METAP1: variants seen among roughly 807,000 people sequenced by gnomAD.
The protein encoded by METAP1 is methionyl aminopeptidase 1.
In METAP1, 28 loss-of-function variants were observed where a neutral mutation model predicts 53.8. The observed-to-expected ratio is 0.52, with a 90% CI of 0.39 to 0.71. The LOEUF (loss-of-function observed/expected upper bound fraction) is 0.71, where lower values mean the gene tolerates loss of function less well. Ranked by LOEUF, METAP1 falls within the 30% of genes least tolerant of loss-of-function variation. The pLI is 0.00. For missense variants in METAP1, 389 were observed against 479.8 expected (o/e 0.81, Z 1.77); for synonymous variants, 181 against 165.7 (o/e 1.09, Z -0.71).
Position 99,048,809 on chromosome 4 carries a change from T to A in METAP1, c.864T>A (p.Val288=), listed in dbSNP as rs755848190. ...KHAQANGFSV[V]RSYCGHGIHK... is the part of the protein sequence containing the mutation. ...CCCAAGCAAATGGGTTTTCAGTTGTTCGAAGCTATTGTGGGCATGGAATCC... is the reference window on the plus strand; with the variant it reads ...CCCAAGCAAATGGGTTTTCAGTTGTACGAAGCTATTGTGGGCATGGAATCC... The change falls in exon 9 of 11, where the codon GTT becomes GTA. Residue 288 remains valine (V), a synonymous_variant. Coordinates refer to ENST00000296411, the MANE Select transcript of METAP1 (RefSeq NM_015143.3). The A allele has an allele frequency of 6.2e-7, 1 of 1,614,010 alleles. No homozygotes were observed.
In METAP1 at chr4:98,998,017, G is replaced by A. The variant is rs143086615; in HGVS notation, c.114+2150G>A. Reference sequence around the variant, plus strand: ...ACAGAAGTTATTTTTCCCGCAGTCTGATTATGCGTATCCCTCATTGCTTTC... The same window carrying A: ...ACAGAAGTTATTTTTCCCGCAGTCTAATTATGCGTATCCCTCATTGCTTTC... On this transcript the variant is annotated intron_variant, in intron 1 of 10. Transcript: ENST00000296411. 3.1e-3 allele frequency among the ~76,000 whole-genome samples: 472 copies of A among 152,312 alleles called. 4 individuals are homozygous for A. The highest frequency in any genetic ancestry group is 0.011 in the African/African-American group (455 of 41,568).
intron 1 of METAP1, among the ~76,000 whole-genome samples, chr4:99,020,466 G>T (rs1431229661): frequency 1.3e-5 from 2 of 152,150 alleles, no homozygotes; most frequent in Admixed American, 6.5e-5. Context: ...GGAGATATCA[G>T]AGACTTCTGC....
intron 9 of METAP1, among the ~76,000 whole-genome samples, chr4:99,049,895 C>T (rs1238601022): frequency 6.6e-6 from 1 of 152,204 alleles, no homozygotes; most frequent in African/African-American, 2.4e-5. Flanking sequence ...TGCATTATCT[C>T]ATTTGATCAT....
intron 9 of METAP1, among the ~76,000 whole-genome samples, chr4:99,052,838 ACTT>A (rs1202509337): frequency 2.6e-5 from 4 of 152,128 alleles, no homozygotes; most frequent in Non-Finnish European, 5.9e-5. Context: ...TATCCACAGA[ACTT>A]CTTTGAAAAT....
At chr4:99,037,285 A>G (rs1033197364) in intron 4 of METAP1, among the ~76,000 whole-genome samples, 30 of 151,990 alleles carry the variant, frequency 2.0e-4, no homozygotes, top group African/African-American at 5.5e-4. Context: ...CATTACATTT[A>G]TTACAGATTT....
intron 1 of METAP1, among the ~76,000 whole-genome samples, chr4:98,997,699 A>G (rs1722703572): frequency 6.6e-6 from 1 of 152,204 alleles, no homozygotes; most frequent in South Asian, 2.1e-4. Context: ...TGCTAGACAA[A>G]TTTGTGAAAA....
chr4:99,023,256 A>G (rs768909484), intron 1 of METAP1: 8 of 461,756 alleles, frequency 1.7e-5, no homozygotes, highest in Non-Finnish European at 2.8e-5. Flanking sequence ...TCTTTTTCAC[A>G]ATAGTAAGTA....
chr4:99,030,894 C>G (rs1300788614), intron 2 of METAP1, among the ~76,000 whole-genome samples: 1 of 150,732 alleles, frequency 6.6e-6, no homozygotes, highest in Non-Finnish European at 1.5e-5. Flanking sequence ...TGGAGCAATT[C>G]TGGACTCTTA....
chr4:99,016,223 G>A (rs1341817451), intron 1 of METAP1, among the ~76,000 whole-genome samples: 1 of 152,214 alleles, frequency 6.6e-6, no homozygotes, highest in Non-Finnish European at 1.5e-5. Flanking sequence ...TTCAAAGGTA[G>A]GCACATCAGC....
Position 99,061,370 on chromosome 4 carries a change from T to A in METAP1, c.*53T>A. The A allele has an allele frequency of 6.6e-7, 1 of 1,504,542 alleles. No individual in the cohort carries two copies. The highest frequency in any genetic ancestry group is 1.2e-5 in the South Asian group (1 of 80,116). 93.2% of individuals were successfully genotyped at this position (1,504,542 alleles called of 1,614,324 possible). ...CCTTCTTACTGTGCTATGCATTTTA[T>A]TGAGAGTACAGAAAGGAAGAGGAAC... On this transcript the variant is annotated 3_prime_UTR_variant, in exon 11 of 11. Transcript: ENST00000296411.
chr4:99,058,062 A>T (rs1272383127), intron 10 of METAP1, among the ~76,000 whole-genome samples: 1 of 152,118 alleles, frequency 6.6e-6, no homozygotes, highest in African/African-American at 2.4e-5. Flanking sequence ...GTCCCTTTTC[A>T]TAAAGATCAT....
At chr4:99,026,181 C>T (rs1480926345) in intron 1 of METAP1, 1 of 955,788 alleles carries the variant, frequency 1.0e-6, no homozygotes, top group Non-Finnish European at 1.2e-6. Flanking sequence ...TGAGACCTGT[C>T]TCAGATATTT....
At chr4:99,039,571 A>C in intron 5 of METAP1, 106 bp downstream of exon 5, 1 of 623,612 alleles carries the variant, frequency 1.6e-6, no homozygotes, top group Non-Finnish European at 2.7e-6. Context: ...ATATTGTTAG[A>C]CTGACCAGCC....
intron 1 of METAP1, among the ~76,000 whole-genome samples, chr4:99,018,839 G>A (rs1723925440): frequency 6.6e-6 from 1 of 152,164 alleles, no homozygotes; most frequent in Non-Finnish European, 1.5e-5. Context: ...GCCTTCCAGG[G>A]AGATCGGGTA....
intron 1 of METAP1, chr4:99,026,587 A>G (rs1724582016): frequency 1.0e-6 from 1 of 985,404 alleles, no homozygotes; most frequent in Non-Finnish European, 1.2e-6. Flanking sequence ...TCTTTGGTTC[A>G]TTTGTTAGAG....
chr4:99,009,647 T>G (rs1723374619), intron 1 of METAP1, among the ~76,000 whole-genome samples: 1 of 152,240 alleles, frequency 6.6e-6, no homozygotes, highest in Non-Finnish European at 1.5e-5. Context: ...TTCATATGCC[T>G]GTTGGCTAGT....
chr4:99,034,279 T>G lies in METAP1; in HGVS notation c.216T>G (p.Asp72Glu). Residue 72 changes from aspartate to glutamate, a missense_variant, in exon 3 of 11, where the codon GAT (aspartate) becomes GAG (glutamate). Transcript: ENST00000296411. ...TGTCTTCCTGGACTGTGGAAGGTGATATTAATACTGACCCATGGGCAGGTT... is the reference window on the plus strand; with the variant it reads ...TGTCTTCCTGGACTGTGGAAGGTGAGATTAATACTGACCCATGGGCAGGTT... ...REVSSWTVEG[D>E]INTDPWAGYR... The G allele has an allele frequency of 6.4e-7, 1 of 1,550,818 alleles. No individual in the cohort carries two copies. The highest frequency in any genetic ancestry group is 8.7e-7 in the Non-Finnish European group (1 of 1,146,176).
At chr4:99,012,556 T>C (rs1460983940) in intron 1 of METAP1, among the ~76,000 whole-genome samples, 2 of 151,922 alleles carry the variant, frequency 1.3e-5, no homozygotes, top group Admixed American at 6.6e-5. Context: ...ATTACAGGCA[T>C]GAGCCACCAC....
intron 9 of METAP1, among the ~76,000 whole-genome samples, chr4:99,056,713 G>GC (rs1579340210): frequency 6.6e-6 from 1 of 152,000 alleles, no homozygotes; most frequent in African/African-American, 2.4e-5. Context: ...GGGACTACAG[G>GC]CCCCCGCCAC....
Sources: gnomAD v4.1 joint callset for allele counts (sites outside exome capture counted in the v4.1 genomes callset) on GRCh38, gnomAD v4.1.1 for gene constraint, MANE v1.5 for transcripts, NCBI Gene and HGNC (gene_info 2026-07-23, HGNC 2026-07-21) for gene names.